The following ST6GALNAC3 variants were observed in gnomAD, a reference collection of about 807,000 sequenced individuals.
ST6GALNAC3 encodes the protein alpha-N-acetylgalactosaminide alpha-2,6-sialyltransferase 3.
Under a neutral mutation model 32.7 loss-of-function variants are expected in ST6GALNAC3, and 25 were observed. That is an observed-to-expected ratio of 0.76 (90% CI 0.56 to 1.07). The LOEUF (loss-of-function observed/expected upper bound fraction) is 1.07, where lower values mean the gene tolerates loss of function less well. ST6GALNAC3 is among the 50% of genes least tolerant of loss of function. The pLI is 0.00. For missense variants in ST6GALNAC3, 355 were observed against 382.4 expected, an observed-to-expected ratio of 0.93 and a Z score of 0.60; for synonymous variants, 129 against 133.1, an observed-to-expected ratio of 0.97 and a Z score of 0.21.
At chr1:76,184,535 A>G (rs932416921) in intron 1 of ST6GALNAC3, among the ~76,000 whole-genome samples, 8 of 150,272 alleles carry the variant, frequency 5.3e-5, no homozygotes, top group Non-Finnish European at 1.0e-4. Flanking sequence ...ACACACACAC[A>G]CACACACACA....
chr1:76,539,614 C>T (rs1260447859), intron 3 of ST6GALNAC3, among the ~76,000 whole-genome samples: 1 of 151,922 alleles, frequency 6.6e-6, no homozygotes, highest in South Asian at 2.1e-4. Context: ...TGCAGTCTAC[C>T]CATCTGACAA....
At chr1:76,198,234 C>G (rs1248236998) in intron 1 of ST6GALNAC3, among the ~76,000 whole-genome samples, 1 of 152,136 alleles carries the variant, frequency 6.6e-6, no homozygotes, top group Non-Finnish European at 1.5e-5. Context: ...TGAAGTCTTG[C>G]TATGCTTCCC....
chr1:76,412,571 G>A (rs535459177), intron 3 of ST6GALNAC3, among the ~76,000 whole-genome samples, 154 bp downstream of exon 3: 1 of 152,146 alleles, frequency 6.6e-6, no homozygotes, highest in South Asian at 2.1e-4. Context: ...GCCAGCCTGA[G>A]GTCTCATTTA....
intron 1 of ST6GALNAC3, among the ~76,000 whole-genome samples, chr1:76,111,300 G>T (rs1647916212): frequency 6.6e-6 from 1 of 152,024 alleles, no homozygotes; most frequent in Non-Finnish European, 1.5e-5. Context: ...AGAAAACATA[G>T]CCCCACCCAG....
In ST6GALNAC3 at chr1:76,630,860, TA is replaced by T. The variant is rs1405407698; in HGVS notation, c.*2057del. On this transcript the variant is annotated 3_prime_UTR_variant, in exon 5 of 5. Transcript: ENST00000328299. ...ATAGAAATGCCCACTCAAAGAAAAA[TA>T]AACAGAGACAAATGTTAAAATTGCC... is the stretch of plus-strand genomic sequence containing the variant. 1.2e-5 allele frequency: 12 copies of T among 985,514 alleles called. No individual in the cohort carries two copies. Among genetic ancestry groups the T allele is most frequent in the Non-Finnish European group, 1.4e-5 (12 of 829,824 alleles). The allele number at this position is 985,514 out of a possible 1,614,324, so 61.0% of individuals were successfully genotyped here.
intron 3 of ST6GALNAC3, among the ~76,000 whole-genome samples, chr1:76,468,307 C>T (rs1658786524): frequency 6.6e-6 from 1 of 152,018 alleles, no homozygotes; most frequent in Admixed American, 6.6e-5. Context: ...CCTCTAAATA[C>T]TTCAGTGCCT....
intron 1 of ST6GALNAC3, among the ~76,000 whole-genome samples, chr1:76,155,552 C>G (rs1260072379): frequency 6.6e-6 from 1 of 152,090 alleles, no homozygotes; most frequent in Non-Finnish European, 1.5e-5. Context: ...ACTGCAAGCT[C>G]CGCCTCCCGG....
intron 4 of ST6GALNAC3, among the ~76,000 whole-genome samples, chr1:76,628,283 T>C (rs1269630758): frequency 1.3e-5 from 2 of 151,982 alleles, no homozygotes; most frequent in African/African-American, 4.8e-5. Context: ...GATGAGCCAA[T>C]ATCTTACTGT....
chr1:76,190,739 G>A (rs931106072), intron 1 of ST6GALNAC3, among the ~76,000 whole-genome samples: 9 of 152,280 alleles, frequency 5.9e-5, no homozygotes, highest in African/African-American at 1.9e-4. Flanking sequence ...TAGCCATCCA[G>A]GCCAAATGGT....
intron 1 of ST6GALNAC3, among the ~76,000 whole-genome samples, chr1:76,185,563 C>T (rs748770924): frequency 3.2e-4 from 49 of 152,176 alleles, no homozygotes; most frequent in Admixed American, 1.4e-3. Flanking sequence ...CTGAATTTTA[C>T]TCTGGGCTCC....
At chr1:76,323,442 G>C (rs1479134554) in intron 2 of ST6GALNAC3, among the ~76,000 whole-genome samples, 1 of 152,084 alleles carries the variant, frequency 6.6e-6, no homozygotes, top group Non-Finnish European at 1.5e-5. Flanking sequence ...TTCTATGCTA[G>C]TGTCTTTCAT....
intron 3 of ST6GALNAC3, among the ~76,000 whole-genome samples, chr1:76,454,630 A>G (rs1278336377): frequency 6.6e-6 from 1 of 152,164 alleles, no homozygotes; most frequent in Non-Finnish European, 1.5e-5. Context: ...TCTAGCTTGT[A>G]AGGATTCTGT....
At chr1:76,504,426 G>A (rs1661351651) in intron 3 of ST6GALNAC3, among the ~76,000 whole-genome samples, 1 of 152,078 alleles carries the variant, frequency 6.6e-6, no homozygotes, top group Non-Finnish European at 1.5e-5. Context: ...GACATTCTGA[G>A]GTTCTGGGTG....
At chr1:76,246,854 A>C (rs1657291413) in intron 1 of ST6GALNAC3, among the ~76,000 whole-genome samples, 1 of 152,064 alleles carries the variant, frequency 6.6e-6, no homozygotes, top group African/African-American at 2.4e-5. Flanking sequence ...GCTGGAGAGG[A>C]GTTGTGAATA....
chr1:76,620,530 G>C (rs940935992), intron 3 of ST6GALNAC3, among the ~76,000 whole-genome samples: 1 of 152,052 alleles, frequency 6.6e-6, no homozygotes, highest in Admixed American at 6.6e-5. Flanking sequence ...TTCTGGTGAA[G>C]GCTCTCTTCC....
chr1:76,257,129 T>C lies in ST6GALNAC3; in HGVS notation c.19-56676T>C, dbSNP rs569994836. 2.0e-5 allele frequency among the ~76,000 whole-genome samples: 3 copies of C among 152,270 alleles called. No homozygotes were observed. In the East Asian group the frequency reaches 5.8e-4, roughly 29 times the overall value. On this transcript the variant is annotated intron_variant, in intron 1 of 4. Coordinates refer to ENST00000328299, the MANE Select transcript of ST6GALNAC3 (RefSeq NM_152996.4). ...TAGTGTCATGTTTATAAAGAAGGCTTCAGAGCACATGGTTTAATCCCCAAA... is the reference window on the plus strand; with the variant it reads ...TAGTGTCATGTTTATAAAGAAGGCTCCAGAGCACATGGTTTAATCCCCAAA...
intron 3 of ST6GALNAC3, among the ~76,000 whole-genome samples, chr1:76,589,026 A>G (rs1353202991): frequency 6.6e-6 from 1 of 152,138 alleles, no homozygotes; most frequent in Non-Finnish European, 1.5e-5. Context: ...TTTCCTGTGT[A>G]GATCCTGACT....
chr1:76,628,937 TC>T lies in ST6GALNAC3; in HGVS notation c.*132del. ...ATGATTATCAAGTTCCTGTACACTC[TC>T]AGATGTGGATGGTGACTCTGCTAGT... On this transcript the variant is annotated 3_prime_UTR_variant, in exon 5 of 5. Transcript: ENST00000328299. 1 of 1,488,620 alleles carries T rather than the reference TC, an allele frequency of 6.7e-7. No individual in the cohort carries two copies. The allele number at this position is 1,488,620 out of a possible 1,614,324, so 92.2% of individuals were successfully genotyped here.
At chr1:76,625,585 G>C (rs955577898) in intron 3 of ST6GALNAC3, among the ~76,000 whole-genome samples, 1 of 151,826 alleles carries the variant, frequency 6.6e-6, no homozygotes, top group Non-Finnish European at 1.5e-5. Context: ...CAAGACTCTT[G>C]CCTCTTCTGA....
Sources: allele counts gnomAD v4.1 joint callset (sites outside exome capture counted in the v4.1 genomes callset), GRCh38; gene constraint gnomAD v4.1.1; transcripts MANE v1.5; gene names NCBI Gene and HGNC (gene_info 2026-07-23, HGNC 2026-07-21).